Variants in MYO9B observed in about 807,000 individuals in gnomAD.
MYO9B encodes the protein unconventional myosin-IXb.
MYO9B carries 71 observed loss-of-function variants against 229.5 expected under a neutral mutation model. The observed-to-expected ratio is 0.31, with a 90% CI of 0.26 to 0.38. The LOEUF (loss-of-function observed/expected upper bound fraction) is 0.38. MYO9B is among the 10% of genes least tolerant of loss of function. The pLI, the probability that MYO9B is intolerant of heterozygous loss-of-function variation, is 1.00. For synonymous variants in MYO9B, 1,185 were observed against 1,235.8 expected (o/e 0.96, Z 0.86); for missense variants, 2,255 against 2,920.5 (o/e 0.77, Z 5.25).
At chr19:17,146,318 A>T (rs576256579) in intron 3 of MYO9B, among the ~76,000 whole-genome samples, 1 of 150,648 alleles carries the variant, frequency 6.6e-6, no homozygotes, top group African/African-American at 2.4e-5. Flanking sequence ...GGATGGGTAG[A>T]TTCATGGGTA....
intron 2 of MYO9B, among the ~76,000 whole-genome samples, chr19:17,125,746 G>A (rs943646038): frequency 1.3e-5 from 2 of 152,132 alleles, no homozygotes; most frequent in South Asian, 2.1e-4. Context: ...CCTGCCGTCC[G>A]TCCATCTGAC....
intron 3 of MYO9B, among the ~76,000 whole-genome samples, chr19:17,151,152 G>A (rs753883083): frequency 3.9e-5 from 6 of 151,966 alleles, no homozygotes; most frequent in Admixed American, 2.0e-4. Context: ...GGTGGTGGGC[G>A]CCTGTAATCT....
At chr19:17,171,453 C>T (rs2072724125) in intron 11 of MYO9B, among the ~76,000 whole-genome samples, 2 of 152,164 alleles carry the variant, frequency 1.3e-5, no homozygotes, top group Admixed American at 1.3e-4. Flanking sequence ...GTACAAATGG[C>T]TCCAAGACCA....
rs775858443 is a variant in MYO9B at position 17,211,663 on chromosome 19, C to T, written c.5947C>T (p.Arg1983Trp). 13 of 1,606,468 alleles carry T rather than the reference C, an allele frequency of 8.1e-6. No individual in the cohort carries two copies. The highest frequency in any genetic ancestry group is 3.3e-5 in the South Asian group (3 of 90,614). Residue 1983 changes from arginine (R) to tryptophan (W), a missense_variant, in exon 39 of 40, where the codon CGG becomes TGG. Coordinates refer to ENST00000682292, the MANE Select transcript of MYO9B (RefSeq NM_004145.4). ...IKEEKEDITY[R>W]LPELDPRGSD... The stretch of plus-strand genomic sequence containing the variant: ...TTCCTCCAGGGAGGACATCACCTAC[C>T]GGCTGCCGGAGCTGGACCCAAGGGG...
At chr19:17,198,651 C>T (rs2073073260) in intron 24 of MYO9B, among the ~76,000 whole-genome samples, 1 of 147,560 alleles carries the variant, frequency 6.8e-6, no homozygotes, top group African/African-American at 2.5e-5. Flanking sequence ...AGGAGAATCG[C>T]TTGAACTCGG....
chr19:17,089,788 G>A (rs1025391648), intron 1 of MYO9B, among the ~76,000 whole-genome samples: 11 of 152,028 alleles, frequency 7.2e-5, no homozygotes, highest in East Asian at 5.8e-4. Context: ...CATTTTTATT[G>A]TAGTGAAATG....
intron 4 of MYO9B, 72 bp downstream of exon 4, chr19:17,152,778 G>T: frequency 7.2e-7 from 1 of 1,391,178 alleles, no homozygotes; most frequent in Non-Finnish European, 1.0e-6. Context: ...GAGGAGAGAA[G>T]CAAAGCAAAC....
intron 2 of MYO9B, among the ~76,000 whole-genome samples, chr19:17,126,324 C>A (rs962434399): frequency 6.6e-6 from 1 of 152,196 alleles, no homozygotes; most frequent in African/African-American, 2.4e-5. Flanking sequence ...CCCACCATGG[C>A]CTCGGGAGAC....
chr19:17,204,774 C>T (rs980856565), intron 30 of MYO9B, among the ~76,000 whole-genome samples: 2 of 152,014 alleles, frequency 1.3e-5, no homozygotes, highest in African/African-American at 2.4e-5. Context: ...GTCAAGGCTC[C>T]AGTGAGCTAT....
chr19:17,168,714 T>G (rs2072687746), intron 11 of MYO9B, among the ~76,000 whole-genome samples: 1 of 152,164 alleles, frequency 6.6e-6, no homozygotes, highest in Admixed American at 6.5e-5. Flanking sequence ...GGAGGATCAC[T>G]TGAGCCTGGG....
intron 1 of MYO9B, among the ~76,000 whole-genome samples, chr19:17,094,071 T>C (rs527315343): frequency 7.4e-4 from 112 of 151,674 alleles, no homozygotes; most frequent in Admixed American, 1.2e-3. Context: ...AGTTTTGCTC[T>C]GTTCCCCGGG....
chr19:17,172,964 G>A lies in MYO9B; in HGVS notation c.2140+1G>A. On this transcript the variant is annotated splice_donor_variant, in intron 13 of 39. Transcript: ENST00000682292. LOFTEE classifies it high-confidence loss of function. The surrounding 1 kb of genome is among the most constrained non-coding windows in gnomAD (Gnocchi z 8.2). ...GCCGAGAGGGCCGAAAAGGCTGCAG[G>A]TGGGAGCTGGGGCGTGAACCCACAA... is the stretch of plus-strand genomic sequence containing the variant. 1 of 1,597,390 alleles carries A rather than the reference G, an allele frequency of 6.3e-7. No individual in the cohort carries two copies. The highest frequency in any genetic ancestry group is 8.5e-7 in the Non-Finnish European group (1 of 1,179,312).
At position 17,200,405 on chromosome 19, in the gene MYO9B, A is replaced by G; in HGVS notation, c.4351A>G (p.Thr1451Ala). 1.9e-6 allele frequency: 3 copies of G among 1,587,418 alleles called. No homozygotes were observed. Among genetic ancestry groups the G allele is most frequent in the Admixed American group, 1.8e-5 (1 of 54,632 alleles). The change falls in exon 25 of 40, where the codon ACC becomes GCC. Residue 1451 changes from threonine (T) to alanine (A), a missense_variant. Transcript: ENST00000682292. ...CGGGCACGTGGTGCTGGAAGCCACC[A>G]CCATGAAGAAGGGCCTGGAAGGTTG... Reference protein sequence around the residue: ...VSGHVVLEATTMKKGLEAPSG... With the variant: ...VSGHVVLEATAMKKGLEAPSG...
At chr19:17,107,653 T>C (rs1175360560) in intron 2 of MYO9B, among the ~76,000 whole-genome samples, 1 of 152,128 alleles carries the variant, frequency 6.6e-6, no homozygotes, top group South Asian at 2.1e-4. Context: ...CTCTTCAGCT[T>C]CTCTGGTGGC....
chr19:17,211,824 G>A, intron 39 of MYO9B, 50 bp downstream of exon 39: 5 of 1,610,898 alleles, frequency 3.1e-6, no homozygotes, highest in Non-Finnish European at 4.2e-6. Context: ...CATCCCAGCA[G>A]GCCCCAGGGC....
In MYO9B at chr19:17,112,136, C is replaced by T. The variant is rs541157049; in HGVS notation, c.840+9579C>T. On this transcript the variant is annotated intron_variant, in intron 2 of 39. Coordinates refer to ENST00000682292, the MANE Select transcript of MYO9B (RefSeq NM_004145.4). ...GCCAACCTCCCCCATCAGTGTCCCC[C>T]ACAAGAACAATGTTGGGGAGTGGGG... Among the ~76,000 whole-genome samples the T allele has an allele frequency of 1.3e-4, 20 of 152,258 alleles. No individual in the cohort carries two copies. The South Asian group carries it at 3.9e-3, about 30-fold the overall frequency.
chr19:17,077,758 C>T (rs2057499852), intron 1 of MYO9B, among the ~76,000 whole-genome samples: 1 of 152,214 alleles, frequency 6.6e-6, no homozygotes, highest in Non-Finnish European at 1.5e-5. Flanking sequence ...TCACAGCACC[C>T]CCACTCTCCA....
At chr19:17,177,359 T>TTTTTG (rs1453079489) in intron 14 of MYO9B, among the ~76,000 whole-genome samples, 1 of 151,772 alleles carries the variant, frequency 6.6e-6, no homozygotes, top group Non-Finnish European at 1.5e-5. Flanking sequence ...GTGGGTTGCA[T>TTTTTG]TTTTGTTTTG....
At chr19:17,102,701 G>A (rs1382968187) in intron 2 of MYO9B, 144 bp downstream of exon 2, 1 of 1,193,448 alleles carries the variant, frequency 8.4e-7, no homozygotes, top group Non-Finnish European at 1.1e-6. Flanking sequence ...AGGAGTTCAA[G>A]ATCAGCCTGG....
Sources: allele counts gnomAD v4.1 joint callset (sites outside exome capture counted in the v4.1 genomes callset), GRCh38; gene constraint gnomAD v4.1.1; non-coding constraint Gnocchi (gnomAD v3.1); transcripts MANE v1.5; gene names NCBI Gene and HGNC (gene_info 2026-07-23, HGNC 2026-07-21).